Variants in GCSAML observed in about 807,000 individuals in gnomAD.
The protein encoded by GCSAML is germinal center associated signaling and motility like.
In GCSAML, 9 loss-of-function variants were observed where a neutral mutation model predicts 13.0. The ratio of observed to expected loss-of-function variants is 0.69; its 90% confidence interval spans 0.42 to 1.21. GCSAML has a LOEUF of 1.21. GCSAML is among the 50% of genes most tolerant of loss of function. The pLI, the probability that GCSAML is intolerant of heterozygous loss-of-function variation, is 0.00. For missense variants in GCSAML, 143 were observed against 153.4 expected (o/e 0.93, Z 0.36); for synonymous variants, 37 against 52.9 (o/e 0.70, Z 1.31).
intron 4 of GCSAML, among the ~76,000 whole-genome samples, chr1:247,566,949 G>A (rs544561429): frequency 4.0e-5 from 6 of 151,840 alleles, no homozygotes; most frequent in African/African-American, 1.2e-4. Flanking sequence ...GTGTGTGAAC[G>A]AAAGTATAGA....
intron 4 of GCSAML, among the ~76,000 whole-genome samples, chr1:247,570,569 G>C (rs1378904752): frequency 6.6e-6 from 1 of 152,186 alleles, no homozygotes; most frequent in Non-Finnish European, 1.5e-5. Context: ...TGTGGTCTGA[G>C]AGACTTTTTG....
At chr1:247,555,207 C>T (rs1441456556) in intron 1 of GCSAML, among the ~76,000 whole-genome samples, 4 of 152,108 alleles carry the variant, frequency 2.6e-5, no homozygotes. Context: ...ATGTGTAAGT[C>T]AATGAATCAC....
chr1:247,577,420 A>G lies in GCSAML; in HGVS notation c.*3038A>G, dbSNP rs545309214. The G allele has an allele frequency of 5.3e-5, 8 of 152,316 alleles. No individual in the cohort carries two copies. The South Asian group carries it at 1.7e-3, about 32-fold the overall frequency. 9.4% of individuals were successfully genotyped at this position (152,316 alleles called of 1,614,324 possible). A position where few individuals can be genotyped will look rare whatever the true frequency, so the allele number is the denominator to read the frequency against. The stretch of plus-strand genomic sequence containing the variant: ...CCTGGCAACCAATGATCTGCTTCGT[A>G]TAATTATAACTGTTCTAGATATTTG... On this transcript the variant is annotated 3_prime_UTR_variant, in exon 5 of 5. Transcript: ENST00000366488.
chr1:247,538,782 C>T, intron 2 of GCSAML: 3 of 455,650 alleles, frequency 6.6e-6, no homozygotes, highest in Non-Finnish European at 1.3e-5. Flanking sequence ...GACTTCCAGT[C>T]TCCAGAACTG....
chr1:247,508,879 G>T (rs1665918946), intron 1 of GCSAML, among the ~76,000 whole-genome samples: 1 of 152,122 alleles, frequency 6.6e-6, no homozygotes, highest in Non-Finnish European at 1.5e-5. Flanking sequence ...TTTGGTACCG[G>T]TATCATGCTA....
At chr1:247,540,030 T>G (rs543216978) in intron 2 of GCSAML, among the ~76,000 whole-genome samples, 2 of 152,280 alleles carry the variant, frequency 1.3e-5, no homozygotes, top group East Asian at 3.9e-4. Flanking sequence ...TCACTTGCCA[T>G]GCTGCTTTTA....
intron 2 of GCSAML, chr1:247,531,808 C>T (rs538753683): frequency 3.8e-5 from 62 of 1,614,180 alleles, no homozygotes; most frequent in Admixed American, 5.0e-5. Context: ...TGCCTTTCTC[C>T]GCCCTTCTGC....
At chr1:247,532,235 T>A in intron 2 of GCSAML, 1 of 1,614,160 alleles carries the variant, frequency 6.2e-7, no homozygotes, top group Non-Finnish European at 8.5e-7. Flanking sequence ...CCATAGCTTA[T>A]GGTTTTCTGT....
intron 1 of GCSAML, among the ~76,000 whole-genome samples, chr1:247,514,165 G>T (rs1045999382): frequency 1.3e-5 from 2 of 152,106 alleles, no homozygotes; most frequent in African/African-American, 4.8e-5. Flanking sequence ...GTTTTTCGTA[G>T]GGATAGGGTT....
At chr1:247,516,531 G>T (rs1666214652) in intron 1 of GCSAML, among the ~76,000 whole-genome samples, 1 of 147,042 alleles carries the variant, frequency 6.8e-6, no homozygotes, top group Admixed American at 6.8e-5. Context: ...AAACTGGTTT[G>T]TCTACAACTT....
upstream of GCSAML, chr1:247,549,109 G>C: frequency 6.2e-7 from 1 of 1,613,396 alleles, no homozygotes; most frequent in Non-Finnish European, 8.5e-7. Flanking sequence ...CCTGCCTCAT[G>C]CATTTTCCTC....
At position 247,549,175 on chromosome 1, in the gene GCSAML, C is replaced by G; in HGVS notation, c.-17C>G. 1 of 1,614,072 alleles carries G rather than the reference C, an allele frequency of 6.2e-7. No individual in the cohort carries two copies. Among genetic ancestry groups the G allele is most frequent in the Non-Finnish European group, 8.5e-7 (1 of 1,179,982 alleles). On this transcript the variant is annotated 5_prime_UTR_variant, in exon 1 of 5. Transcript: ENST00000366488. ...GAGTGAAACTCAGGAGCTGAGAAAC[C>G]GAGTCACTGTGAAAAGATGGGAAAT...
chr1:247,548,437 A>G (rs1667653799), upstream of GCSAML, among the ~76,000 whole-genome samples: 1 of 152,238 alleles, frequency 6.6e-6, no homozygotes, highest in Non-Finnish European at 1.5e-5. This position sits in a 1 kb window ranked among gnomAD's most constrained non-coding sequence, Gnocchi z 5.3. Context: ...GACAACCAGA[A>G]CAATGGCTTC....
intron 1 of GCSAML, among the ~76,000 whole-genome samples, chr1:247,517,655 G>C (rs1666258747): frequency 6.6e-6 from 1 of 152,120 alleles, no homozygotes; most frequent in South Asian, 2.1e-4. Context: ...GTGCTACTGA[G>C]AAAAAAGTTT....
chr1:247,517,746 C>T (rs985029549), intron 1 of GCSAML, among the ~76,000 whole-genome samples: 1 of 152,150 alleles, frequency 6.6e-6, no homozygotes, highest in African/African-American at 2.4e-5. Flanking sequence ...GTGAGACTCG[C>T]TAAAAACTGT....
At chr1:247,541,988 C>T (rs1483737786) in intron 2 of GCSAML, among the ~76,000 whole-genome samples, 6 of 139,688 alleles carry the variant, frequency 4.3e-5, no homozygotes, top group Admixed American at 1.5e-4. Context: ...CCAGCCTGGG[C>T]AACAGAGTGA....
At chr1:247,543,574 CAA>C (rs1490481550) in intron 2 of GCSAML, among the ~76,000 whole-genome samples, 1 of 152,010 alleles carries the variant, frequency 6.6e-6, no homozygotes, top group African/African-American at 2.4e-5. Context: ...TTATCGTGGA[CAA>C]AGCAGAAAGT....
At chr1:247,508,063 G>A (rs1665888929) in intron 1 of GCSAML, among the ~76,000 whole-genome samples, 1 of 152,066 alleles carries the variant, frequency 6.6e-6, no homozygotes, top group Admixed American at 6.6e-5. Context: ...TGGTATTTCT[G>A]GTTCTAGATC....
chr1:247,553,434 T>C (rs1667847501), intron 1 of GCSAML, among the ~76,000 whole-genome samples: 1 of 152,222 alleles, frequency 6.6e-6, no homozygotes, highest in African/African-American at 2.4e-5. Context: ...TTTTATAGCA[T>C]AGTTATGTCA....
Sources: gnomAD v4.1 joint callset for allele counts (sites outside exome capture counted in the v4.1 genomes callset) on GRCh38, gnomAD v4.1.1 for gene constraint, Gnocchi (gnomAD v3.1) non-coding constraint, MANE v1.5 for transcripts, NCBI Gene and HGNC (gene_info 2026-07-23, HGNC 2026-07-21) for gene names.